The following NFATC3 variants were observed in gnomAD, a reference collection of about 807,000 sequenced individuals.
The protein encoded by NFATC3 is nuclear factor of activated T cells 3.
A neutral mutation model predicts 98.6 loss-of-function variants in NFATC3; 46 were observed. That is an observed-to-expected ratio of 0.47 (90% CI 0.37 to 0.60). NFATC3 has a LOEUF of 0.60. Ranked by LOEUF, NFATC3 falls within the 20% of genes least tolerant of loss-of-function variation. The pLI is 0.00. For missense variants in NFATC3, 1,256 were observed against 1,295.5 expected (o/e 0.97, Z 0.47); for synonymous variants, 512 against 472.2 (o/e 1.08, Z -1.09).
Position 68,122,702 on chromosome 16 carries a change from A to T in NFATC3, c.819A>T (p.Lys273Asn). 1 of 1,614,200 alleles carries T rather than the reference A, an allele frequency of 6.2e-7. No individual in the cohort carries two copies. Among genetic ancestry groups the T allele is most frequent in the Non-Finnish European group, 8.5e-7 (1 of 1,180,024 alleles). The change falls in exon 2 of 10, where the codon AAA (lysine) becomes AAT (asparagine). Residue 273 changes from lysine (K) to asparagine (N), a missense_variant. Coordinates refer to ENST00000346183, the MANE Select transcript of NFATC3 (RefSeq NM_173165.3). ...PSSRPTSPCG[K>N]RRHSSAEVCY... ...CAAGGCCCACATCCCCCTGTGGGAA[A>T]CGGAGGCACTCCAGTGCTGAAGTTT... is the stretch of plus-strand genomic sequence containing the variant.
intron 3 of NFATC3, among the ~76,000 whole-genome samples, chr16:68,127,873 T>G (rs1041890676): frequency 3.9e-5 from 6 of 152,170 alleles, no homozygotes; most frequent in African/African-American, 7.2e-5. Flanking sequence ...CTCCTGAATT[T>G]TCTTGCTTAT....
In NFATC3 at chr16:68,122,593, C is replaced by T; in HGVS notation, c.710C>T (p.Pro237Leu). ...TATGGACTTGGACACTCATTATCAC[C>T]CAGGCAATCTCCTTGCCACTCTCCT... Reference protein sequence around the residue: ...QQYGLGHSLSPRQSPCHSPRS... With the variant: ...QQYGLGHSLSLRQSPCHSPRS... Residue 237 changes from proline (P) to leucine (L), a missense_variant, in exon 2 of 10, where the codon CCC (proline) becomes CTC (leucine). This residue lies in a region of NFATC3 where 464 missense variants were observed against 465.7 expected (regional missense o/e 1.00). Transcript: ENST00000346183. The T allele has an allele frequency of 1.2e-6, 2 of 1,614,100 alleles. No homozygotes were observed. The highest frequency in any genetic ancestry group is 2.2e-5 in the South Asian group (2 of 91,078).
intron 9 of NFATC3, among the ~76,000 whole-genome samples, chr16:68,208,652 C>A (rs962942705): frequency 9.2e-5 from 14 of 152,088 alleles, no homozygotes; most frequent in Non-Finnish European, 1.5e-4. Flanking sequence ...ATCGCTTGAA[C>A]CTGGGAGACA....
intron 8 of NFATC3, among the ~76,000 whole-genome samples, chr16:68,190,557 A>G (rs1416296341): frequency 6.6e-6 from 1 of 152,156 alleles, no homozygotes; most frequent in Admixed American, 6.5e-5. Flanking sequence ...AAAGATATTC[A>G]TATTATACAG....
intron 3 of NFATC3, among the ~76,000 whole-genome samples, chr16:68,127,703 G>T (rs2036911640): frequency 6.8e-6 from 1 of 147,056 alleles, no homozygotes; most frequent in African/African-American, 2.5e-5. Context: ...AAAAAAAAAA[G>T]GAATTCCTAA....
chr16:68,171,740 GC>G (rs1171692147), intron 5 of NFATC3, among the ~76,000 whole-genome samples: 2 of 152,044 alleles, frequency 1.3e-5, no homozygotes, highest in South Asian at 4.1e-4. Flanking sequence ...CTTCCAAAGT[GC>G]TGGGATTACA....
At chr16:68,184,024 A>AG (rs1324494616) in intron 8 of NFATC3, among the ~76,000 whole-genome samples, 1 of 151,730 alleles carries the variant, frequency 6.6e-6, no homozygotes, top group Non-Finnish European at 1.5e-5. Flanking sequence ...AAAAAAAAAA[A>AG]AGAAATGAGC....
At chr16:68,153,028 T>C (rs1018223325) in intron 3 of NFATC3, among the ~76,000 whole-genome samples, 4 of 152,224 alleles carry the variant, frequency 2.6e-5, no homozygotes, top group African/African-American at 9.7e-5. Flanking sequence ...ATACTCATCA[T>C]GTCAAAACAA....
intron 2 of NFATC3, among the ~76,000 whole-genome samples, chr16:68,123,991 C>G (rs1457195017): frequency 2.0e-5 from 3 of 150,776 alleles, no homozygotes; most frequent in Admixed American, 6.6e-5. Context: ...GCACCACCCC[C>G]CTACAAAAAA....
chr16:68,122,872 A>G lies in NFATC3; in HGVS notation c.989A>G (p.Tyr330Cys), dbSNP rs999584854. Residue 330 changes from tyrosine (Y) to cysteine (C), a missense_variant, in exon 2 of 10, where the codon TAC (tyrosine) becomes TGC (cysteine). Around this residue, in one of 3 missense-constraint regions of NFATC3, gnomAD observed 464 missense variants for 465.7 expected, o/e 1.00. Coordinates refer to ENST00000346183, the MANE Select transcript of NFATC3 (RefSeq NM_173165.3). ...GLGPAVFPFQYCVETDIPLKT... is the reference protein window; with the variant it reads ...GLGPAVFPFQCCVETDIPLKT... ...GGCCCTGCAGTTTTTCCATTTCAGT[A>G]CTGTGTAGAGACTGACATCCCTCTC... 1.2e-6 allele frequency: 2 copies of G among 1,614,068 alleles called. No homozygotes were observed. Among genetic ancestry groups the G allele is most frequent in the East Asian group, 4.5e-5 (2 of 44,900 alleles).
chr16:68,121,957 G>GGT, intron 1 of NFATC3, 30 bp from the exon 2 acceptor site: 2 of 1,310,320 alleles, frequency 1.5e-6, no homozygotes, highest in Non-Finnish European at 2.0e-6. Flanking sequence ...GTTTTGTTGG[G>GGT]TTTTTTTTTT....
intron 5 of NFATC3, among the ~76,000 whole-genome samples, chr16:68,170,078 G>A (rs916899069): frequency 6.6e-6 from 1 of 151,234 alleles, no homozygotes; most frequent in African/African-American, 2.4e-5. Context: ...TAAAATTAAC[G>A]TGATTATTGA....
At chr16:68,214,268 T>C in intron 9 of NFATC3, 1 of 1,274,334 alleles carries the variant, frequency 7.8e-7, no homozygotes, top group East Asian at 2.3e-5. Flanking sequence ...GGCACTGTAG[T>C]AGATTAAGTT....
chr16:68,209,733 A>G (rs891296151), intron 9 of NFATC3: 6 of 477,618 alleles, frequency 1.3e-5, no homozygotes, highest in Non-Finnish European at 2.5e-5. Flanking sequence ...AAATTGACAG[A>G]GAGGGGAAAC....
chr16:68,138,383 GCT>G, intron 3 of NFATC3: 2 of 643,112 alleles, frequency 3.1e-6, no homozygotes, highest in Non-Finnish European at 4.5e-6. Context: ...TATAGTTCAA[GCT>G]CTCCTTCCTT....
At chr16:68,211,695 T>C (rs12444968) in intron 9 of NFATC3, among the ~76,000 whole-genome samples, 18,060 of 151,826 alleles carry the variant, frequency 0.12, 1,205 homozygotes, top group South Asian at 0.2. Context: ...CTAATTTTTG[T>C]GTTTTTAGTA....
chr16:68,117,766 C>T (rs899614221), intron 1 of NFATC3, among the ~76,000 whole-genome samples: 4 of 152,156 alleles, frequency 2.6e-5, no homozygotes, highest in Non-Finnish European at 5.9e-5. Context: ...CATTTGCCTG[C>T]CTCGGCCTCC....
intron 9 of NFATC3, among the ~76,000 whole-genome samples, chr16:68,217,164 G>A (rs917319786): frequency 1.3e-5 from 2 of 152,114 alleles, no homozygotes; most frequent in African/African-American, 4.8e-5. Flanking sequence ...GGATTCAGTA[G>A]GTCATGCCTG....
rs375984100 is a variant in NFATC3, at chr16:68,162,749, A to T, written c.1602-4094A>T. The stretch of plus-strand genomic sequence containing the variant: ...GCAAAGATCAAAGAACATGTTGATC[A>T]TTTTTTTTTTTTTAATTGATCATTC... On this transcript the variant is annotated intron_variant, in intron 4 of 9. Coordinates refer to ENST00000346183, the MANE Select transcript of NFATC3 (RefSeq NM_173165.3). Among the ~76,000 whole-genome samples the T allele has an allele frequency of 1.2e-3, 181 of 146,710 alleles. 2 individuals carry two copies. The highest frequency in any genetic ancestry group is 3.8e-3 in the African/African-American group (152 of 40,154).
Sources: allele counts gnomAD v4.1 joint callset (sites outside exome capture counted in the v4.1 genomes callset), GRCh38; gene constraint gnomAD v4.1.1; regional missense constraint gnomAD v4.1.1; transcripts MANE v1.5; gene names NCBI Gene and HGNC (gene_info 2026-07-23, HGNC 2026-07-21).